Variants in SCN11A observed in about 807,000 individuals in gnomAD.
The protein encoded by SCN11A is sodium voltage-gated channel alpha subunit 11, also known as sodium channel protein type 11 subunit alpha.
SCN11A carries 122 observed loss-of-function variants against 162.2 expected under a neutral mutation model. The ratio of observed to expected loss-of-function variants is 0.75; its 90% CI spans 0.65 to 0.87. The LOEUF is 0.87. Ranked by LOEUF, SCN11A falls within the 40% of genes least tolerant of loss-of-function variation. The pLI, the probability that SCN11A is intolerant of heterozygous loss-of-function variation, is 0.00. For synonymous variants in SCN11A, 758 were observed against 751.5 expected (o/e 1.01, Z -0.14); for missense variants, 2,015 against 2,181.6 (o/e 0.92, Z 1.52).
chr3:38,946,876 A>G lies in SCN11A; in HGVS notation c.299T>C (p.Ile100Thr). ...TFMVLNRKRT[I>T]YRFSAKHALF... ...GGCATGCTTGGCACTGAAGCGGTAG[A>G]TTGTCCTCTTTCTGTTTAACACCAT... is the stretch of plus-strand genomic sequence containing the variant. Residue 100 changes from isoleucine (I) to threonine (T), a missense_variant, in exon 6 of 30, where the codon ATC (isoleucine) becomes ACC (threonine). Transcript: ENST00000302328. The G allele has an allele frequency of 6.2e-7, 1 of 1,613,458 alleles. No homozygotes were observed.
chr3:38,973,409 C>A (rs1651182936), intron 2 of SCN11A, among the ~76,000 whole-genome samples: 1 of 151,430 alleles, frequency 6.6e-6, no homozygotes, highest in African/African-American at 2.4e-5. Flanking sequence ...GAGATACACA[C>A]ACACACACAC....
At chr3:38,869,842 G>A (rs1431386355) in intron 26 of SCN11A, among the ~76,000 whole-genome samples, 1 of 152,166 alleles carries the variant, frequency 6.6e-6, no homozygotes. Context: ...TCAACTGTAA[G>A]TATTATGCAA....
intron 2 of SCN11A, among the ~76,000 whole-genome samples, chr3:38,980,961 G>A (rs1412643592): frequency 6.6e-6 from 1 of 152,122 alleles, no homozygotes; most frequent in African/African-American, 2.4e-5. Context: ...CTGATACAGT[G>A]GAGAAATGGT....
At position 38,969,127 on chromosome 3, in the gene SCN11A, AAGGC is replaced by A. The variant is rs367963828; in HGVS notation, c.-279-8708_-279-8705del. ...GGTTGGAGGGAGGAAGGGAAGGAAC[AAGGC>A]AGGCAGGCAGGCAGGCAGGCAGGCA... On this transcript the variant is annotated intron_variant, in intron 2 of 29. Transcript: ENST00000302328. 4.2e-4 allele frequency among the ~76,000 whole-genome samples: 64 copies of A among 151,926 alleles called. No homozygotes were observed. In the South Asian group the frequency reaches 8.5e-3, roughly 20 times the overall value.
chr3:38,897,579 G>A (rs180788807), intron 17 of SCN11A, among the ~76,000 whole-genome samples: 4 of 152,132 alleles, frequency 2.6e-5, no homozygotes, highest in South Asian at 4.1e-4. Context: ...AGCTGGGCAT[G>A]GTGGCGCATG....
In SCN11A at chr3:38,896,962, G is replaced by C. The variant is rs761709549; in HGVS notation, c.2286C>G (p.Phe762Leu). 1.2e-6 allele frequency: 2 copies of C among 1,614,136 alleles called. No individual in the cohort carries two copies. Among genetic ancestry groups the C allele is most frequent in the African/African-American group, 2.7e-5 (2 of 75,048 alleles). Residue 762 changes from phenylalanine to leucine, a missense_variant, in exon 18 of 30, where the codon TTC becomes TTG. Physicochemically the swap from Phe to Leu is conservative, Grantham distance 22. Transcript: ENST00000302328. ...GDFWHSFLVV[F>L]RILCGEWIEN... ...CGATCCATTCCCCGCAGAGGATGCG[G>C]AATACCACTAGGAAGGAGTGCCAGA...
intron 12 of SCN11A, 85 bp downstream of exon 12, chr3:38,909,981 G>T: frequency 7.8e-7 from 1 of 1,287,474 alleles, no homozygotes. Context: ...ATAAATAAAT[G>T]GTAAATAAAT....
At chr3:38,969,550 C>T (rs773109067) in intron 2 of SCN11A, among the ~76,000 whole-genome samples, 9 of 152,184 alleles carry the variant, frequency 5.9e-5, no homozygotes, top group Non-Finnish European at 1.2e-4. Flanking sequence ...AAGCTGCCAT[C>T]CTTGACCCTG....
intron 23 of SCN11A, among the ~76,000 whole-genome samples, chr3:38,873,719 G>A (rs543265529): frequency 1.1e-3 from 168 of 152,194 alleles, no homozygotes; most frequent in African/African-American, 3.7e-3. Context: ...CAGACTTGCA[G>A]GTATCAGTGA....
chr3:38,896,767 G>T, intron 18 of SCN11A, 78 bp downstream of exon 18: 1 of 1,167,150 alleles, frequency 8.6e-7, no homozygotes, highest in Non-Finnish European at 1.2e-6. Flanking sequence ...TACTAGTAAA[G>T]TTTTGCAAAT....
chr3:38,860,123 T>C (rs532154813), intron 28 of SCN11A, among the ~76,000 whole-genome samples: 3 of 152,038 alleles, frequency 2.0e-5, no homozygotes, highest in Non-Finnish European at 4.4e-5. Flanking sequence ...TATGATTCCA[T>C]ATCAAACCTG....
chr3:38,927,027 T>C, intron 7 of SCN11A, 96 bp from the exon 8 acceptor site: 1 of 1,208,304 alleles, frequency 8.3e-7, no homozygotes. Flanking sequence ...TTTTTTTCCA[T>C]TTCAATGTGA....
rs1215869750 is a variant in SCN11A at position 38,895,179 on chromosome 3, C to T, written c.2404-215G>A. Among the ~76,000 whole-genome samples the T allele has an allele frequency of 2.6e-5, 4 of 152,054 alleles. No individual in the cohort carries two copies. The South Asian group carries it at 8.3e-4, about 32-fold the overall frequency. On this transcript the variant is annotated intron_variant, in intron 18 of 29. Transcript: ENST00000302328. ...GAATAAAAATTGAAATTAAAGGGTGCAAATAGCCAAGTCCACTTTCCCTAC... is the reference window on the plus strand; with the variant it reads ...GAATAAAAATTGAAATTAAAGGGTGTAAATAGCCAAGTCCACTTTCCCTAC...
chr3:38,924,240 T>A (rs75298423), intron 9 of SCN11A, among the ~76,000 whole-genome samples: 3 of 152,126 alleles, frequency 2.0e-5, no homozygotes, highest in South Asian at 4.1e-4. Flanking sequence ...TTTTTTTTTT[T>A]AGACCTTAGG....
chr3:38,934,945 A>T (rs1475616001), intron 7 of SCN11A, among the ~76,000 whole-genome samples: 1 of 151,290 alleles, frequency 6.6e-6, no homozygotes, highest in Non-Finnish European at 1.5e-5. Context: ...GCACCACACC[A>T]CACCTATTCC....
chr3:39,006,102 GA>G (rs2030965967), intron 2 of SCN11A, among the ~76,000 whole-genome samples: 1 of 151,890 alleles, frequency 6.6e-6, no homozygotes, highest in Admixed American at 6.5e-5. Flanking sequence ...TTTTTGATAA[GA>G]AGGCTTATGA....
At chr3:39,029,291 TTATATC>T (rs2031684179) in intron 2 of SCN11A, among the ~76,000 whole-genome samples, 1 of 152,180 alleles carries the variant, frequency 6.6e-6, no homozygotes, top group Non-Finnish European at 1.5e-5. Context: ...AGGTAAAAAA[TTATATC>T]TATATAAATA....
chr3:38,870,609 C>A, intron 26 of SCN11A, 82 bp downstream of exon 26: 1 of 1,166,516 alleles, frequency 8.6e-7, no homozygotes. Flanking sequence ...GGAACTATGA[C>A]GCCAGTTCTG....
intron 7 of SCN11A, among the ~76,000 whole-genome samples, chr3:38,938,829 G>A (rs1159935628): frequency 1.3e-5 from 2 of 151,366 alleles, no homozygotes; most frequent in Non-Finnish European, 3.0e-5. Flanking sequence ...CTCCCAAAGC[G>A]CTGGGATTAC....
Sources: gnomAD v4.1 joint callset for allele counts (sites outside exome capture counted in the v4.1 genomes callset) on GRCh38, gnomAD v4.1.1 for gene constraint, MANE v1.5 for transcripts, NCBI Gene and HGNC (gene_info 2026-07-23, HGNC 2026-07-21) for gene names.